ATXN1: variants seen among roughly 807,000 people sequenced by gnomAD.
ATXN1 encodes ataxin 1.
ATXN1 carries 8 observed loss-of-function variants against 56.4 expected under a neutral mutation model. The ratio of observed to expected loss-of-function variants is 0.14; its 90% CI spans 0.08 to 0.26. The LOEUF is 0.26. ATXN1 is among the 10% of genes least tolerant of loss of function. The pLI is 1.00. For synonymous variants in ATXN1, 514 were observed against 494.6 expected, an observed-to-expected ratio of 1.04 and a Z score of -0.52; for missense variants, 987 against 1,106.5, an observed-to-expected ratio of 0.89 and a Z score of 1.53.
intron 3 of ATXN1, among the ~76,000 whole-genome samples, chr6:16,606,066 C>T (rs905018762): frequency 6.6e-6 from 1 of 151,976 alleles, no homozygotes; most frequent in Non-Finnish European, 1.5e-5. Context: ...GAGTTCAAGG[C>T]TGCTGTGAGG....
At chr6:16,576,936 T>C (rs930584590) in intron 4 of ATXN1, among the ~76,000 whole-genome samples, 1 of 152,144 alleles carries the variant, frequency 6.6e-6, no homozygotes, top group African/African-American at 2.4e-5. Context: ...AAGTAGACAC[T>C]TCATGGAGCC....
At chr6:16,746,326 T>C (rs972414499) in intron 2 of ATXN1, among the ~76,000 whole-genome samples, 1 of 152,244 alleles carries the variant, frequency 6.6e-6, no homozygotes, top group African/African-American at 2.4e-5. Context: ...GAGGCATCTG[T>C]ATGAACTGCT....
intron 2 of ATXN1, among the ~76,000 whole-genome samples, chr6:16,746,080 T>C (rs1252535790): frequency 6.6e-6 from 1 of 152,002 alleles, no homozygotes; most frequent in South Asian, 2.1e-4. Flanking sequence ...ATCATCCCCA[T>C]TCAACAGATG....
Position 16,396,370 on chromosome 6 carries a change from G to A in ATXN1, c.-160-67900C>T, listed in dbSNP as rs577314522. Among the ~76,000 whole-genome samples the A allele has an allele frequency of 3.9e-5, 6 of 152,164 alleles. No homozygotes were observed. In the South Asian group the frequency reaches 8.3e-4, roughly 21 times the overall value. On this transcript the variant is annotated intron_variant, in intron 6 of 7. Transcript: ENST00000436367. ...TGAGGCAGGAGGATGGCTTGAGCCC[G>A]GGTGCGCGAAACCAGCCTGGGCAAC...
At chr6:16,571,787 A>G (rs1422974280) in intron 4 of ATXN1, among the ~76,000 whole-genome samples, 1 of 152,140 alleles carries the variant, frequency 6.6e-6, no homozygotes, top group African/African-American at 2.4e-5. Context: ...AAGCCTCCCA[A>G]GTAGCTAGGA....
chr6:16,421,859 C>G (rs920250629), intron 6 of ATXN1, among the ~76,000 whole-genome samples: 15 of 152,244 alleles, frequency 9.9e-5, no homozygotes, highest in Admixed American at 9.8e-4. Flanking sequence ...TGTATATGTA[C>G]ACTGCAGGGG....
chr6:16,393,926 T>C (rs1581733045), intron 6 of ATXN1, among the ~76,000 whole-genome samples: 2 of 151,878 alleles, frequency 1.3e-5, no homozygotes, highest in South Asian at 4.2e-4. Context: ...TTTTTGTAAT[T>C]CGTGCCTCCC....
chr6:16,569,729 C>A (rs1347180262), intron 4 of ATXN1, among the ~76,000 whole-genome samples: 1 of 152,094 alleles, frequency 6.6e-6, no homozygotes, highest in African/African-American at 2.4e-5. Context: ...TCCCTGTACT[C>A]CTTGACATAC....
chr6:16,548,856 G>A (rs1410226921), intron 4 of ATXN1, among the ~76,000 whole-genome samples: 1 of 152,230 alleles, frequency 6.6e-6, no homozygotes, highest in African/African-American at 2.4e-5. Context: ...CCAGGAGGCA[G>A]AGGTTGCAGT....
chr6:16,512,964 T>C (rs935157369), intron 5 of ATXN1, among the ~76,000 whole-genome samples: 1 of 152,242 alleles, frequency 6.6e-6, no homozygotes, highest in South Asian at 2.1e-4. Context: ...TAAGATGTGG[T>C]TGAGTGGCCC....
chr6:16,529,354 G>C (rs73724889), intron 4 of ATXN1, among the ~76,000 whole-genome samples: 37 of 151,546 alleles, frequency 2.4e-4, no homozygotes, highest in African/African-American at 8.8e-4. Flanking sequence ...AGTGCTGACA[G>C]TGGCAACGAC....
At chr6:16,372,466 T>G (rs986880512) in intron 6 of ATXN1, among the ~76,000 whole-genome samples, 1 of 152,198 alleles carries the variant, frequency 6.6e-6, no homozygotes. Flanking sequence ...ACTGCATTAC[T>G]CCATCCCATG....
intron 3 of ATXN1, among the ~76,000 whole-genome samples, chr6:16,655,944 G>T (rs1758192152): frequency 6.6e-6 from 1 of 151,842 alleles, no homozygotes; most frequent in South Asian, 2.1e-4. Flanking sequence ...ACAAAAATTA[G>T]CTGGGCATGG....
intron 5 of ATXN1, among the ~76,000 whole-genome samples, chr6:16,514,800 G>T (rs1420272674): frequency 1.3e-5 from 2 of 151,904 alleles, no homozygotes; most frequent in Non-Finnish European, 2.9e-5. Context: ...TGGCCAACAT[G>T]GTGAAACCCC....
intron 6 of ATXN1, among the ~76,000 whole-genome samples, chr6:16,430,685 G>A (rs1202789915): frequency 6.6e-6 from 1 of 152,004 alleles, no homozygotes; most frequent in African/African-American, 2.4e-5. Flanking sequence ...CGATGATAGG[G>A]GTGCAGTGGC....
chr6:16,534,395 G>C (rs940762282), intron 4 of ATXN1, among the ~76,000 whole-genome samples: 4 of 148,908 alleles, frequency 2.7e-5, no homozygotes, highest in African/African-American at 9.9e-5. Context: ...ACTACTAGAG[G>C]AAAAAAAAAT....
chr6:16,498,731 T>A (rs1760823966), intron 5 of ATXN1, among the ~76,000 whole-genome samples: 1 of 152,210 alleles, frequency 6.6e-6, no homozygotes, highest in Admixed American at 6.5e-5. Flanking sequence ...TGGTTTTGAT[T>A]TGCATTCCCC....
intron 6 of ATXN1, among the ~76,000 whole-genome samples, chr6:16,428,016 T>G (rs1296143014): frequency 6.6e-6 from 1 of 152,158 alleles, no homozygotes; most frequent in African/African-American, 2.4e-5. Flanking sequence ...ATGTACCTGA[T>G]ACTGACTTTA....
At chr6:16,544,313 C>T (rs1279388895) in intron 4 of ATXN1, among the ~76,000 whole-genome samples, 5 of 152,312 alleles carry the variant, frequency 3.3e-5, no homozygotes, top group East Asian at 1.9e-4. Flanking sequence ...CAAGTTGTGG[C>T]GCAGGATCAC....
Sources: gnomAD v4.1 joint callset for allele counts (sites outside exome capture counted in the v4.1 genomes callset) on GRCh38, gnomAD v4.1.1 for gene constraint, MANE v1.5 for transcripts, NCBI Gene and HGNC (gene_info 2026-07-23, HGNC 2026-07-21) for gene names.